Variants in RARB observed in about 807,000 individuals in gnomAD.
The protein encoded by RARB is HBV-activated protein.
Under a neutral mutation model 51.9 loss-of-function variants are expected in RARB, and 17 were observed. The ratio of observed to expected loss-of-function variants is 0.33; its 90% CI spans 0.22 to 0.49. The LOEUF is 0.49. Ranked by LOEUF, RARB falls within the 20% of genes least tolerant of loss-of-function variation. RARB has a pLI of 0.99. For missense variants in RARB, 369 were observed against 550.8 expected (o/e 0.67, Z 3.30); for synonymous variants, 215 against 195.4 (o/e 1.10, Z -0.84).
At chr3:25,071,633 TGA>T (rs1698767818) in intron 3 of RARB, among the ~76,000 whole-genome samples, 1 of 152,166 alleles carries the variant, frequency 6.6e-6, no homozygotes, top group Non-Finnish European at 1.5e-5. Flanking sequence ...ATCAGTTGGC[TGA>T]GAGGAAGGAG....
At chr3:24,869,539 T>C (rs1488985610) in intron 2 of RARB, among the ~76,000 whole-genome samples, 4 of 152,092 alleles carry the variant, frequency 2.6e-5, no homozygotes, top group Non-Finnish European at 5.9e-5. Flanking sequence ...TTTTACAAAA[T>C]GCATATACAT....
intron 6 of RARB, among the ~76,000 whole-genome samples, 184 bp from the exon 7 acceptor site, chr3:25,594,336 G>A (rs193063146): frequency 6.6e-4 from 101 of 152,210 alleles, no homozygotes; most frequent in African/African-American, 2.2e-3. Context: ...TACTACCAAG[G>A]GGGGGCAGTT....
intron 2 of RARB, among the ~76,000 whole-genome samples, chr3:24,961,470 T>G (rs1307166518): frequency 6.6e-6 from 1 of 152,236 alleles, no homozygotes; most frequent in Non-Finnish European, 1.5e-5. Flanking sequence ...GTTCTCTGTA[T>G]CTGAGAGAGT....
chr3:25,270,375 C>T (rs1703229998), intron 5 of RARB, among the ~76,000 whole-genome samples: 1 of 152,032 alleles, frequency 6.6e-6, no homozygotes, highest in South Asian at 2.1e-4. Flanking sequence ...TTAAGCCAGA[C>T]ACAAAAAGAC....
intron 2 of RARB, among the ~76,000 whole-genome samples, chr3:24,869,050 T>C (rs1317423848): frequency 6.6e-6 from 1 of 152,172 alleles, no homozygotes; most frequent in Non-Finnish European, 1.5e-5. Flanking sequence ...TCAAATATTT[T>C]AGAGTTGGAC....
chr3:24,989,395 A>AAGGTGTACCTTCTTTT (rs1421707713), intron 2 of RARB, among the ~76,000 whole-genome samples: 4 of 113,952 alleles, frequency 3.5e-5, no homozygotes, highest in Admixed American at 1.1e-4. Flanking sequence ...TACGTAGGAA[A>AAGGTGTACCTTCTTTT]ACATTACTGA....
At chr3:25,011,085 A>G (rs1242191720) in intron 2 of RARB, among the ~76,000 whole-genome samples, 2 of 152,158 alleles carry the variant, frequency 1.3e-5, no homozygotes, top group Non-Finnish European at 2.9e-5. Flanking sequence ...TCTTCATTCA[A>G]CAATTATCTA....
At chr3:24,947,517 C>T (rs1002574137) in intron 2 of RARB, among the ~76,000 whole-genome samples, 23 of 152,222 alleles carry the variant, frequency 1.5e-4, no homozygotes, top group African/African-American at 5.1e-4. Context: ...TGTGAGCCAA[C>T]GTCTCTTCCA....
At chr3:25,187,860 A>T (rs946493667) in intron 5 of RARB, among the ~76,000 whole-genome samples, 1 of 152,108 alleles carries the variant, frequency 6.6e-6, no homozygotes, top group African/African-American at 2.4e-5. Flanking sequence ...TATTCATAAT[A>T]AATAAATGTT....
rs9847214 is a variant in RARB at position 25,332,293 on chromosome 3, T to C, written c.179-128900T>C. On this transcript the variant is annotated intron_variant, in intron 5 of 11. Transcript: ENST00000383772. ...AATCCTCAATAAAATACTGGCAAAC[T>C]GAATCCAGCAGCACATCAAAAAGGT... Among the ~76,000 whole-genome samples the C allele has an allele frequency of 3.9e-5, 6 of 152,264 alleles. No individual in the cohort carries two copies. The East Asian group carries it at 9.6e-4, about 24-fold the overall frequency.
In RARB at chr3:25,563,524, C is replaced by T. The variant is rs538191840; in HGVS notation, c.449-6234C>T. ...TGATGTAGAAGAAATGTTTACTCAC[C>T]CCAACTCTCCCCAGTTTACAGTGGG... is the stretch of plus-strand genomic sequence containing the variant. On this transcript the variant is annotated intron_variant, in intron 3 of 7. Coordinates refer to ENST00000330688, the MANE Select transcript of RARB (RefSeq NM_000965.5). Among the ~76,000 whole-genome samples the T allele has an allele frequency of 4.6e-5, 7 of 152,248 alleles. 1 individual carries two copies. Among genetic ancestry groups the T allele is most frequent in the African/African-American group, 1.7e-4 (7 of 41,530 alleles).
intron 2 of RARB, among the ~76,000 whole-genome samples, chr3:25,486,987 A>G (rs138643661): frequency 2.6e-5 from 4 of 152,286 alleles, no homozygotes; most frequent in African/African-American, 9.6e-5. Context: ...TCTGATTTAC[A>G]TTGCTTTACA....
At chr3:25,279,732 T>C (rs1242297988) in intron 5 of RARB, among the ~76,000 whole-genome samples, 1 of 152,152 alleles carries the variant, frequency 6.6e-6, no homozygotes, top group African/African-American at 2.4e-5. Context: ...GTGGTGAGGA[T>C]GGTTGAGGAC....
At position 25,432,370 on chromosome 3, in the gene RARB, C is replaced by T. The variant is rs187938111; in HGVS notation, c.157+3482C>T. On this transcript the variant is annotated intron_variant, in intron 1 of 7. Transcript: ENST00000330688. The stretch of plus-strand genomic sequence containing the variant: ...CAGTAGAAAGGTAGACATCTGTTTG[C>T]CTAAACTTAAGCTATGGAATTGACT... 4.5e-3 allele frequency among the ~76,000 whole-genome samples: 680 copies of T among 152,166 alleles called. 6 individuals carry two copies. Among genetic ancestry groups the T allele is most frequent in the African/African-American group, 0.016 (657 of 41,514 alleles).
chr3:25,232,396 C>A (rs182205733), intron 5 of RARB, among the ~76,000 whole-genome samples: 3 of 151,896 alleles, frequency 2.0e-5, no homozygotes, highest in Admixed American at 6.6e-5. Context: ...TCTATAGATT[C>A]ATTTAAAAAG....
At chr3:25,094,530 A>G (rs939360092) in intron 3 of RARB, among the ~76,000 whole-genome samples, 1 of 152,008 alleles carries the variant, frequency 6.6e-6, no homozygotes, top group Non-Finnish European at 1.5e-5. Flanking sequence ...CAGCTTGGGC[A>G]ACTTGGCAAA....
At chr3:25,010,917 T>G (rs1233984885) in intron 2 of RARB, among the ~76,000 whole-genome samples, 1 of 152,170 alleles carries the variant, frequency 6.6e-6, no homozygotes, top group Admixed American at 6.6e-5. Flanking sequence ...TCCAGATTTT[T>G]CCTTGTCTCA....
chr3:24,960,288 A>C (rs959163777), intron 2 of RARB, among the ~76,000 whole-genome samples: 13 of 135,122 alleles, frequency 9.6e-5, no homozygotes, highest in Non-Finnish European at 1.7e-4. Context: ...AAATTGGTGT[A>C]TTCTATGAAT....
At chr3:25,594,225 C>G (rs1225240450) in intron 6 of RARB, among the ~76,000 whole-genome samples, 1 of 152,132 alleles carries the variant, frequency 6.6e-6, no homozygotes, top group Admixed American at 6.6e-5. Context: ...AATAACCATC[C>G]TGCTCAAGAT....
Sources: allele counts gnomAD v4.1 joint callset (sites outside exome capture counted in the v4.1 genomes callset), GRCh38; gene constraint gnomAD v4.1.1; transcripts MANE v1.5; gene names NCBI Gene and HGNC (gene_info 2026-07-23, HGNC 2026-07-21).